LDAF1: variants seen among roughly 807,000 people sequenced by gnomAD.
The protein encoded by LDAF1 is PROMETHIN.
In LDAF1, 7 loss-of-function variants were observed where a neutral mutation model predicts 13.5. The ratio of observed to expected loss-of-function variants is 0.52; its 90% CI spans 0.29 to 0.97. The LOEUF (loss-of-function observed/expected upper bound fraction) is 0.97, where lower values mean the gene tolerates loss of function less well. LDAF1 is among the 50% of genes least tolerant of loss of function. The probability of loss-of-function intolerance (pLI) is 0.07; values close to 1 mark genes in which losing one functional copy is unlikely to be tolerated. For synonymous variants in LDAF1, 69 were observed against 77.1 expected, an observed-to-expected ratio of 0.89 and a Z score of 0.55; for missense variants, 148 against 193.2, an observed-to-expected ratio of 0.77 and a Z score of 1.39.
At chr16:21,168,698 TTTATATATAA>T (rs568962785) in intron 2 of LDAF1, among the ~76,000 whole-genome samples, 2,086 of 134,928 alleles carry the variant, frequency 0.015, 57 homozygotes, top group African/African-American at 0.055. Context: ...CAATTATATT[TTTATATATAA>T]TTATATATAT....
intron 2 of LDAF1, among the ~76,000 whole-genome samples, chr16:21,167,490 T>A (rs2152844591): frequency 6.6e-6 from 1 of 152,328 alleles, no homozygotes; most frequent in South Asian, 2.1e-4. Context: ...CAGCTCTGCG[T>A]TAAAGCAGTC....
In LDAF1 at chr16:21,174,160, T is replaced by A; in HGVS notation, c.404+12T>A. On this transcript the variant is annotated intron_variant, in intron 4 of 4. Coordinates refer to ENST00000233047, the MANE Select transcript of LDAF1 (RefSeq NM_001301771.2). Reference sequence around the variant, plus strand: ...TGGTTTTCTCCCAGGTAAATACATGTCCATGAAATAATTTATTTTTTTAAT... The same window carrying A: ...TGGTTTTCTCCCAGGTAAATACATGACCATGAAATAATTTATTTTTTTAAT... 6.3e-7 allele frequency: 1 copy of A among 1,589,268 alleles called. No homozygotes were observed. The highest frequency in any genetic ancestry group is 8.5e-7 in the Non-Finnish European group (1 of 1,173,308).
At chr16:21,164,321 G>A (rs551092066) in intron 2 of LDAF1, among the ~76,000 whole-genome samples, 1 of 152,146 alleles carries the variant, frequency 6.6e-6, no homozygotes, top group Admixed American at 6.5e-5. Flanking sequence ...ATGGCTTACT[G>A]TAGCCTCGAA....
chr16:21,171,776 C>T (rs1277469492), intron 3 of LDAF1, among the ~76,000 whole-genome samples: 5 of 151,420 alleles, frequency 3.3e-5, no homozygotes, highest in African/African-American at 7.3e-5. Context: ...CTTACTCTGT[C>T]GCCCAGCCTG....
Position 21,174,029 on chromosome 16 carries a change from T to C in LDAF1, c.285T>C (p.Gly95=). Residue 95 remains glycine (G), a synonymous_variant, in exon 4 of 5, where the codon GGT becomes GGC. Coordinates refer to ENST00000233047, the MANE Select transcript of LDAF1 (RefSeq NM_001301771.2). ...IILEGLVISV[G]GFSLLCILCG... ...TCCTAGGATTGGTCATCTCTGTGGG[T>C]GGCTTCTCACTGCTCTGCATCCTCT... The C allele has an allele frequency of 6.2e-7, 1 of 1,613,566 alleles. No homozygotes were observed. Among genetic ancestry groups the C allele is most frequent in the Non-Finnish European group, 8.5e-7 (1 of 1,179,786 alleles).
rs1414917484 is a variant in LDAF1 at position 21,174,757 on chromosome 16, CA to C, written c.404+612del. 5.3e-5 allele frequency among the ~76,000 whole-genome samples: 8 copies of C among 152,228 alleles called. No homozygotes were observed. In the East Asian group the frequency reaches 1.3e-3, roughly 26 times the overall value. ...AGATGTCCATTTAATTTACAAATGT[CA>C]AATTAGGTGGTTTTCTTTGGCGGGG... On this transcript the variant is annotated intron_variant, in intron 4 of 4. Transcript: ENST00000233047.
In LDAF1 at chr16:21,180,127, T is replaced by C. The variant is rs1055539438; in HGVS notation, c.*571T>C. 1 of 154,966 alleles carries C rather than the reference T, an allele frequency of 6.5e-6. No individual in the cohort carries two copies. Among genetic ancestry groups the C allele is most frequent in the African/African-American group, 2.4e-5 (1 of 41,458 alleles). The allele number at this position is 154,966 out of a possible 1,614,324, so 9.6% of individuals were successfully genotyped here. Reference sequence around the variant, plus strand: ...AAAAGTCTAAAGGTGTAGTTTCCACTGTAACTGTTGAGTACTGTTAAGTAC... The same window carrying C: ...AAAAGTCTAAAGGTGTAGTTTCCACCGTAACTGTTGAGTACTGTTAAGTAC... On this transcript the variant is annotated 3_prime_UTR_variant, in exon 5 of 5. Coordinates refer to ENST00000233047, the MANE Select transcript of LDAF1 (RefSeq NM_001301771.2).
At chr16:21,170,252 C>T in intron 2 of LDAF1, 185 bp from the exon 3 acceptor site, 1 of 971,346 alleles carries the variant, frequency 1.0e-6, no homozygotes, top group Non-Finnish European at 1.2e-6. Flanking sequence ...ATCCGCTCGC[C>T]TTGGCCTCCC....
At chr16:21,165,836 AAAAG>A (rs1284200972) in intron 2 of LDAF1, among the ~76,000 whole-genome samples, 2 of 118,094 alleles carry the variant, frequency 1.7e-5, no homozygotes, top group Non-Finnish European at 3.6e-5. Flanking sequence ...ATTAAAAACA[AAAAG>A]AAACAAATGA....
At chr16:21,176,877 G>A (rs2093143027) in intron 4 of LDAF1, among the ~76,000 whole-genome samples, 1 of 149,828 alleles carries the variant, frequency 6.7e-6, no homozygotes, top group African/African-American at 2.5e-5. Flanking sequence ...TCCAGCCTGG[G>A]TGACAGAGCT....
At chr16:21,166,742 C>G in intron 2 of LDAF1, 2 of 969,444 alleles carry the variant, frequency 2.1e-6, no homozygotes, top group Non-Finnish European at 3.1e-6. Context: ...CATGTGGATT[C>G]GAACTGGAAA....
At chr16:21,176,298 G>C (rs2093138220) in intron 4 of LDAF1, among the ~76,000 whole-genome samples, 1 of 152,128 alleles carries the variant, frequency 6.6e-6, no homozygotes, top group South Asian at 2.1e-4. Context: ...GTGGGCAGAG[G>C]TTCTTAAGCT....
chr16:21,174,250 CAT>C, intron 4 of LDAF1, 102 bp downstream of exon 4: 11 of 1,126,956 alleles, frequency 9.8e-6, no homozygotes, highest in South Asian at 3.3e-5. Context: ...AGTGCAGTGG[CAT>C]GAACATAGCT....
In LDAF1 at chr16:21,179,399, A is replaced by T. The variant is rs748361773; in HGVS notation, c.405-76A>T. The T allele has an allele frequency of 3.8e-5, 61 of 1,611,696 alleles. No individual in the cohort carries two copies. The Admixed American group carries it at 4.2e-4, about 11-fold the overall frequency. ...AAAATCAGGAAAAAGAACATCATGTATTCAGCTATGCACACTTCCAACGTT... is the reference window on the plus strand; with the variant it reads ...AAAATCAGGAAAAAGAACATCATGTTTTCAGCTATGCACACTTCCAACGTT... On this transcript the variant is annotated intron_variant, in intron 4 of 4. Coordinates refer to ENST00000233047, the MANE Select transcript of LDAF1 (RefSeq NM_001301771.2).
intron 4 of LDAF1, among the ~76,000 whole-genome samples, chr16:21,174,428 C>T (rs1323310897): frequency 6.6e-6 from 1 of 152,122 alleles, no homozygotes; most frequent in African/African-American, 2.4e-5. Flanking sequence ...AATTCCTGGG[C>T]TCAAGCAATC....
chr16:21,175,912 A>G (rs2093134481), intron 4 of LDAF1, among the ~76,000 whole-genome samples: 1 of 152,028 alleles, frequency 6.6e-6, no homozygotes, highest in Non-Finnish European at 1.5e-5. Flanking sequence ...TTGTTTGTTC[A>G]TTTGTATTTT....
chr16:21,171,204 G>A (rs779623315), intron 3 of LDAF1, among the ~76,000 whole-genome samples: 2 of 152,198 alleles, frequency 1.3e-5, no homozygotes, highest in East Asian at 1.9e-4. Context: ...ACTACCAACA[G>A]TCAACTTCTC....
chr16:21,177,602 C>A lies in LDAF1; in HGVS notation c.405-1873C>A, dbSNP rs537653654. On this transcript the variant is annotated intron_variant, in intron 4 of 4. Transcript: ENST00000233047. ...GTGAACATGGTTTTCATCTGAGAACCCTTGCATTAGCGAATTCTTTTTTTT... is the reference window on the plus strand; with the variant it reads ...GTGAACATGGTTTTCATCTGAGAACACTTGCATTAGCGAATTCTTTTTTTT... Among the ~76,000 whole-genome samples the A allele has an allele frequency of 1.2e-4, 18 of 151,146 alleles. No homozygotes were observed. In the South Asian group the frequency reaches 3.8e-3, roughly 32 times the overall value.
At chr16:21,171,615 G>T (rs1429830644) in intron 3 of LDAF1, among the ~76,000 whole-genome samples, 1 of 152,192 alleles carries the variant, frequency 6.6e-6, no homozygotes, top group African/African-American at 2.4e-5. Flanking sequence ...AAGCTTTACA[G>T]CAGACAAGAC....
Sources: allele counts gnomAD v4.1 joint callset (sites outside exome capture counted in the v4.1 genomes callset), GRCh38; gene constraint gnomAD v4.1.1; transcripts MANE v1.5; gene names NCBI Gene and HGNC (gene_info 2026-07-23, HGNC 2026-07-21).